Variants in SPMIP4 observed in about 807,000 individuals in gnomAD.
SPMIP4 encodes sperm-associated microtubule inner protein 4.
chr7:25,157,476 C>T, the SPMIP4 span, among the ~76,000 whole-genome samples: 1 of 152,152 alleles, frequency 6.6e-6, no homozygotes, highest in Non-Finnish European at 1.5e-5. Context: ...TCAGGGTTAA[C>T]ATCACCAGGG....
chr7:25,132,081 A>T, the SPMIP4 span, among the ~76,000 whole-genome samples: 2 of 152,204 alleles, frequency 1.3e-5, no homozygotes, highest in African/African-American at 4.8e-5. The surrounding 1 kb of genome is among the most constrained non-coding windows in gnomAD (Gnocchi z 5.0). Context: ...TCCCATACAC[A>T]GGGAGGGGAC....
At chr7:25,157,145 T>G in the SPMIP4 span, among the ~76,000 whole-genome samples, 1 of 152,074 alleles carries the variant, frequency 6.6e-6, no homozygotes, top group African/African-American at 2.4e-5. Flanking sequence ...TCATTGCCAA[T>G]CTTAGTAACA....
At chr7:25,161,862 C>T in the SPMIP4 span, among the ~76,000 whole-genome samples, 1 of 151,704 alleles carries the variant, frequency 6.6e-6, no homozygotes, top group Non-Finnish European at 1.5e-5. Flanking sequence ...AAAACCTGTA[C>T]AAAAATTAAA....
the SPMIP4 span, among the ~76,000 whole-genome samples, chr7:25,173,731 T>C: frequency 6.6e-6 from 1 of 152,224 alleles, no homozygotes; most frequent in Non-Finnish European, 1.5e-5. This position sits in a 1 kb window ranked among gnomAD's most constrained non-coding sequence, Gnocchi z 4.4. Flanking sequence ...TCTAAGTTTG[T>C]AAAAGTTACA....
chr7:25,167,425 C>G, the SPMIP4 span, among the ~76,000 whole-genome samples: 1 of 152,196 alleles, frequency 6.6e-6, no homozygotes, highest in African/African-American at 2.4e-5. Flanking sequence ...CTTAAACACA[C>G]CTGTTGAGTG....
At chr7:25,176,861 C>T in the SPMIP4 span, among the ~76,000 whole-genome samples, 5 of 152,076 alleles carry the variant, frequency 3.3e-5, no homozygotes, top group African/African-American at 1.2e-4. This position sits in a 1 kb window ranked among gnomAD's most constrained non-coding sequence, Gnocchi z 4.4. Flanking sequence ...TGTTTGTAAA[C>T]CGGAGAAGAT....
the SPMIP4 span, among the ~76,000 whole-genome samples, chr7:25,154,052 C>T: frequency 6.6e-6 from 1 of 152,222 alleles, no homozygotes; most frequent in South Asian, 2.1e-4. Context: ...TTCAGAAACT[C>T]TCCCATGGAC....
At chr7:25,128,946 G>A in the SPMIP4 span, among the ~76,000 whole-genome samples, 1 of 152,200 alleles carries the variant, frequency 6.6e-6, no homozygotes, top group Non-Finnish European at 1.5e-5. This position sits in a 1 kb window ranked among gnomAD's most constrained non-coding sequence, Gnocchi z 4.5. Context: ...TGGGGGCTAG[G>A]GCATGAAATG....
At chr7:25,130,613 C>T in the SPMIP4 span, among the ~76,000 whole-genome samples, 7 of 152,294 alleles carry the variant, frequency 4.6e-5, no homozygotes, top group Non-Finnish European at 1.0e-4. Context: ...CGCGCCCAGC[C>T]AGTTATCACT....
chr7:25,142,455 C>T, the SPMIP4 span: 1 of 860,092 alleles, frequency 1.2e-6, no homozygotes, highest in Non-Finnish European at 1.7e-6. Flanking sequence ...AAATGAAAAC[C>T]AACCCTACCT....
At chr7:25,136,599 A>G in the SPMIP4 span, 5 of 1,614,076 alleles carry the variant, frequency 3.1e-6, no homozygotes, top group Non-Finnish European at 4.2e-6. This position sits in a 1 kb window ranked among gnomAD's most constrained non-coding sequence, Gnocchi z 5.7. Context: ...CTGGTATGTT[A>G]TCACTAAGTG....
the SPMIP4 span, chr7:25,161,039 G>A: frequency 1.7e-5 from 9 of 515,728 alleles, no homozygotes; most frequent in Non-Finnish European, 3.1e-5. Context: ...TGTTTGTTTG[G>A]TCTTGGTTTC....
At chr7:25,172,711 G>C in the SPMIP4 span, among the ~76,000 whole-genome samples, 1 of 152,146 alleles carries the variant, frequency 6.6e-6, no homozygotes, top group Non-Finnish European at 1.5e-5. The surrounding 1 kb of genome is among the most constrained non-coding windows in gnomAD (Gnocchi z 4.2). Flanking sequence ...GATAAATTTG[G>C]AGGAATTCCA....
At chr7:25,134,054 G>A in the SPMIP4 span, among the ~76,000 whole-genome samples, 35 of 152,212 alleles carry the variant, frequency 2.3e-4, no homozygotes, top group Admixed American at 2.3e-3. Context: ...GAGGTCAGGA[G>A]TTCGAGACCA....
chr7:25,148,967 G>T, the SPMIP4 span, among the ~76,000 whole-genome samples: 1 of 152,204 alleles, frequency 6.6e-6, no homozygotes, highest in Non-Finnish European at 1.5e-5. Flanking sequence ...GAAAACAGAA[G>T]TGAGACACAG....
chr7:25,162,374 T>C, the SPMIP4 span, among the ~76,000 whole-genome samples: 1 of 151,276 alleles, frequency 6.6e-6, no homozygotes, highest in Non-Finnish European at 1.5e-5. Flanking sequence ...AAATAAAAAT[T>C]AGAAGAAATA....
chr7:25,155,803 T>C, the SPMIP4 span, among the ~76,000 whole-genome samples: 1 of 152,172 alleles, frequency 6.6e-6, no homozygotes, highest in Non-Finnish European at 1.5e-5. Flanking sequence ...ATAATTTTCC[T>C]ATCATTTGGA....
At chr7:25,167,349 T>A in the SPMIP4 span, among the ~76,000 whole-genome samples, 1 of 152,246 alleles carries the variant, frequency 6.6e-6, no homozygotes, top group South Asian at 2.1e-4. Flanking sequence ...GGTCTGTTTA[T>A]TCATTGTAAA....
the SPMIP4 span, among the ~76,000 whole-genome samples, chr7:25,164,382 T>C: frequency 7.6e-3 from 1,154 of 152,252 alleles, 11 homozygotes; most frequent in African/African-American, 0.026. Context: ...TATTACACAA[T>C]GATGGGGGAA....
Sources: gnomAD v4.1 joint callset for allele counts (sites outside exome capture counted in the v4.1 genomes callset) on GRCh38, gnomAD v4.1.1 for gene constraint, Gnocchi (gnomAD v3.1) non-coding constraint, MANE v1.5 for transcripts, NCBI Gene and HGNC (gene_info 2026-07-23, HGNC 2026-07-21) for gene names.